The following PAK5 variants were observed in gnomAD, a reference collection of about 807,000 sequenced individuals.
PAK5 encodes p21 (RAC1) activated kinase 5.
Under a neutral mutation model 65.9 loss-of-function variants are expected in PAK5, and 16 were observed. That is an observed-to-expected ratio of 0.24 (90% CI 0.16 to 0.37). PAK5 has a LOEUF of 0.37. PAK5 is among the 10% of genes least tolerant of loss of function. PAK5 has a pLI of 1.00. For missense variants in PAK5, 785 were observed against 903.9 expected (o/e 0.87, Z 1.69); for synonymous variants, 371 against 354.9 (o/e 1.05, Z -0.51).
chr20:9,727,551 C>T (rs2048290290), intron 1 of PAK5, among the ~76,000 whole-genome samples: 2 of 152,266 alleles, frequency 1.3e-5, no homozygotes, highest in Middle Eastern at 3.4e-3. Context: ...TGTTACTATG[C>T]TATTTGCCAA....
At chr20:9,662,951 T>C (rs1253160124) in intron 2 of PAK5, among the ~76,000 whole-genome samples, 1 of 152,206 alleles carries the variant, frequency 6.6e-6, no homozygotes, top group Non-Finnish European at 1.5e-5. Flanking sequence ...TATTACATTA[T>C]ATTTAATGAG....
intron 3 of PAK5, among the ~76,000 whole-genome samples, chr20:9,615,236 T>A (rs1296959889): frequency 1.3e-5 from 2 of 152,156 alleles, no homozygotes; most frequent in African/African-American, 4.8e-5. Flanking sequence ...CTTTATGATA[T>A]GACAATGGTA....
At chr20:9,699,510 T>C (rs1825249903) in intron 2 of PAK5, among the ~76,000 whole-genome samples, 1 of 150,066 alleles carries the variant, frequency 6.7e-6, no homozygotes, top group Non-Finnish European at 1.5e-5. Context: ...GAAAAAAAAA[T>C]ATTAAGCTTA....
chr20:9,715,029 G>A (rs1944606837), intron 1 of PAK5, among the ~76,000 whole-genome samples: 1 of 152,138 alleles, frequency 6.6e-6, no homozygotes, highest in Admixed American at 6.5e-5. Flanking sequence ...GGCAACAAAA[G>A]CCAAAATTGA....
intron 2 of PAK5, among the ~76,000 whole-genome samples, chr20:9,657,886 A>T (rs1569024329): frequency 6.6e-6 from 1 of 152,230 alleles, no homozygotes; most frequent in Non-Finnish European, 1.5e-5. Context: ...CTTATTTAAG[A>T]GGAGAATGAA....
intron 1 of PAK5, among the ~76,000 whole-genome samples, chr20:9,802,135 G>A (rs2049176599): frequency 6.6e-6 from 1 of 152,124 alleles, no homozygotes; most frequent in Non-Finnish European, 1.5e-5. Context: ...TAGCCCGATA[G>A]GGCATGAACT....
intron 1 of PAK5, among the ~76,000 whole-genome samples, chr20:9,718,493 T>C (rs558561286): frequency 6.6e-6 from 1 of 152,044 alleles, no homozygotes; most frequent in South Asian, 2.1e-4. Context: ...AATAGCATTT[T>C]GTCCTCCCTT....
At chr20:9,657,105 C>A (rs2047278686) in intron 2 of PAK5, among the ~76,000 whole-genome samples, 1 of 152,110 alleles carries the variant, frequency 6.6e-6, no homozygotes, top group Non-Finnish European at 1.5e-5. Flanking sequence ...TGTTCTATCC[C>A]CACAAAGATG....
In PAK5 at chr20:9,608,163, C is replaced by CCCA. The variant is rs2046489901; in HGVS notation, c.205-27236_205-27234dup. On this transcript the variant is annotated intron_variant, in intron 3 of 9. Transcript: ENST00000353224. ...ACCTAATCAATCACCTGCCAAAGGC[C>CCCA]CCACCTCCAAATATCACCACACTGA... 2.6e-5 allele frequency among the ~76,000 whole-genome samples: 4 copies of CCCA among 152,220 alleles called. No individual in the cohort carries two copies. The South Asian group carries it at 8.3e-4, about 32-fold the overall frequency.
chr20:9,697,414 A>G (rs546110013), intron 2 of PAK5, among the ~76,000 whole-genome samples: 2 of 151,986 alleles, frequency 1.3e-5, no homozygotes, highest in African/African-American at 4.8e-5. Context: ...AATATCTCCA[A>G]ATATGCTATT....
intron 1 of PAK5, among the ~76,000 whole-genome samples, chr20:9,820,475 C>T (rs943612690): frequency 2.0e-5 from 3 of 152,154 alleles, no homozygotes; most frequent in African/African-American, 7.2e-5. Flanking sequence ...ATATGTAACC[C>T]ATGGGGCTGC....
chr20:9,677,121 A>G (rs951939332), intron 2 of PAK5, among the ~76,000 whole-genome samples: 3 of 151,858 alleles, frequency 2.0e-5, no homozygotes, highest in Non-Finnish European at 4.4e-5. Flanking sequence ...TGGAAGACAG[A>G]AGGAAAGGAA....
chr20:9,674,444 A>G (rs1406589377), intron 2 of PAK5, among the ~76,000 whole-genome samples: 1 of 152,208 alleles, frequency 6.6e-6, no homozygotes, highest in Non-Finnish European at 1.5e-5. Context: ...AAGCTTTCTT[A>G]TATGTTTCCC....
At chr20:9,673,148 A>G (rs890116296) in intron 2 of PAK5, among the ~76,000 whole-genome samples, 8 of 152,144 alleles carry the variant, frequency 5.3e-5, no homozygotes, top group African/African-American at 1.9e-4. Flanking sequence ...TACACTTAAA[A>G]TAACTACAAA....
intron 1 of PAK5, among the ~76,000 whole-genome samples, chr20:9,712,631 A>G (rs1156946362): frequency 6.6e-6 from 1 of 152,178 alleles, no homozygotes; most frequent in Admixed American, 6.6e-5. Context: ...CTACAAAGCT[A>G]TAGTAACCAA....
chr20:9,622,278 G>T (rs2046781094), intron 3 of PAK5, among the ~76,000 whole-genome samples: 1 of 151,818 alleles, frequency 6.6e-6, no homozygotes, highest in African/African-American at 2.4e-5. Context: ...TTTCAATATG[G>T]TACCCACTAG....
intron 1 of PAK5, among the ~76,000 whole-genome samples, chr20:9,821,732 C>T (rs1294180853): frequency 6.6e-6 from 1 of 152,232 alleles, no homozygotes; most frequent in Non-Finnish European, 1.5e-5. Context: ...TGTTTATCCA[C>T]ACATACAGAG....
intron 2 of PAK5, among the ~76,000 whole-genome samples, chr20:9,686,034 T>C (rs1387803067): frequency 1.3e-5 from 2 of 152,206 alleles, no homozygotes; most frequent in Non-Finnish European, 1.5e-5. Flanking sequence ...TTAAATAATT[T>C]TCTTAATGGG....
In PAK5 at chr20:9,543,648, T is replaced by C. The variant is rs78303274; in HGVS notation, c.1869+721A>G. 1.4e-3 allele frequency among the ~76,000 whole-genome samples: 210 copies of C among 152,278 alleles called. 1 individual carries two copies. The highest frequency in any genetic ancestry group is 4.7e-3 in the African/African-American group (195 of 41,564). The stretch of plus-strand genomic sequence containing the variant: ...TCTCCCAGATTCACCATCCACACCA[T>C]AAAGTGTGGAAACACTATGCCTAGC... On this transcript the variant is annotated intron_variant, in intron 8 of 9. Transcript: ENST00000353224.
Sources: gnomAD v4.1 joint callset for allele counts (sites outside exome capture counted in the v4.1 genomes callset) on GRCh38, gnomAD v4.1.1 for gene constraint, MANE v1.5 for transcripts, NCBI Gene and HGNC (gene_info 2026-07-23, HGNC 2026-07-21) for gene names.